CACNA2D3: variants seen among roughly 807,000 people sequenced by gnomAD.
The protein encoded by CACNA2D3 is voltage-dependent calcium channel subunit alpha-2/delta-3.
Under a neutral mutation model 160.6 loss-of-function variants are expected in CACNA2D3, and 60 were observed. The ratio of observed to expected loss-of-function variants is 0.37; its 90% CI spans 0.30 to 0.46. CACNA2D3 has a LOEUF of 0.46. Among genes scored for constraint, CACNA2D3 ranks in the 20% least tolerant of loss-of-function variants. CACNA2D3 has a pLI of 1.00. For synonymous variants in CACNA2D3, 558 were observed against 492.9 expected (o/e 1.13, Z -1.75); for missense variants, 1,205 against 1,365.0 (o/e 0.88, Z 1.85).
intron 27 of CACNA2D3, among the ~76,000 whole-genome samples, chr3:54,903,160 A>C (rs1700377341): frequency 6.6e-6 from 1 of 152,106 alleles, no homozygotes. Flanking sequence ...CACAGGTATT[A>C]AGCCTGGTAC....
At chr3:54,137,116 G>A (rs777206378) in intron 2 of CACNA2D3, among the ~76,000 whole-genome samples, 3 of 152,178 alleles carry the variant, frequency 2.0e-5, no homozygotes, top group Non-Finnish European at 2.9e-5. Context: ...AGAGGCTGGA[G>A]CTGCTCTTCC....
In CACNA2D3 at chr3:54,724,647, G is replaced by A. The variant is rs572914153; in HGVS notation, c.1168-27952G>A. ...AAAACCACACAGCTACATGGAAACT[G>A]AACAGCCTGCTCCTGAATGACTACT... On this transcript the variant is annotated intron_variant, in intron 11 of 37. Coordinates refer to ENST00000474759, the MANE Select transcript of CACNA2D3 (RefSeq NM_018398.3). Among the ~76,000 whole-genome samples, 3 of 152,284 alleles carry A rather than the reference G, an allele frequency of 2.0e-5. No homozygotes were observed. The South Asian group carries it at 6.2e-4, about 32-fold the overall frequency.
intron 35 of CACNA2D3, among the ~76,000 whole-genome samples, chr3:55,052,362 CTT>C (rs371387356): frequency 3.0e-3 from 460 of 151,684 alleles, no homozygotes; most frequent in Middle Eastern, 0.027. Context: ...CATGATCTAA[CTT>C]TGTGAATATT....
At chr3:54,350,985 T>TG (rs1559457827) in intron 3 of CACNA2D3, among the ~76,000 whole-genome samples, 7 of 41,852 alleles carry the variant, frequency 1.7e-4, no homozygotes, top group Non-Finnish European at 2.0e-4. Context: ...TTTTTTTGTT[T>TG]GTTTTTTTTT....
chr3:54,677,159 AACTTT>A (rs1045854302), intron 11 of CACNA2D3, among the ~76,000 whole-genome samples: 3 of 152,174 alleles, frequency 2.0e-5, no homozygotes, highest in Non-Finnish European at 4.4e-5. Context: ...CCAAATATGT[AACTTT>A]ACTTGCTAAA....
At chr3:54,453,046 C>G (rs1353358991) in intron 4 of CACNA2D3, among the ~76,000 whole-genome samples, 2 of 151,904 alleles carry the variant, frequency 1.3e-5, no homozygotes, top group Non-Finnish European at 2.9e-5. Context: ...AGCTGGAGTG[C>G]AGTGGCATGA....
chr3:54,722,925 C>T (rs1269930108), intron 11 of CACNA2D3, among the ~76,000 whole-genome samples: 3 of 152,178 alleles, frequency 2.0e-5, no homozygotes, highest in Non-Finnish European at 2.9e-5. Flanking sequence ...GAACGCCGTA[C>T]TGGGAGGTCT....
intron 2 of CACNA2D3, among the ~76,000 whole-genome samples, chr3:54,208,756 T>TC (rs1044591344): frequency 7.2e-5 from 11 of 152,074 alleles, no homozygotes; most frequent in African/African-American, 2.4e-4. Flanking sequence ...CTTTTTTTTT[T>TC]CAATTATCAC....
At chr3:54,500,648 T>A (rs1701280354) in intron 4 of CACNA2D3, among the ~76,000 whole-genome samples, 1 of 151,946 alleles carries the variant, frequency 6.6e-6, no homozygotes, top group Non-Finnish European at 1.5e-5. Context: ...TTCTGCCTTC[T>A]CTAGTTTTAA....
At chr3:54,723,783 C>A (rs977065934) in intron 11 of CACNA2D3, among the ~76,000 whole-genome samples, 7 of 152,214 alleles carry the variant, frequency 4.6e-5, no homozygotes, top group Non-Finnish European at 8.8e-5. Context: ...CACCCACCTT[C>A]TGCGTTGATC....
intron 2 of CACNA2D3, among the ~76,000 whole-genome samples, chr3:54,165,205 CT>C (rs1700428597): frequency 7.4e-6 from 1 of 134,780 alleles, no homozygotes; most frequent in Admixed American, 8.6e-5. Flanking sequence ...GGGGACAGTT[CT>C]TTGTGTGGGA....
intron 5 of CACNA2D3, among the ~76,000 whole-genome samples, chr3:54,518,626 C>G (rs1701594151): frequency 6.6e-6 from 1 of 152,220 alleles, no homozygotes; most frequent in African/African-American, 2.4e-5. Context: ...CTCTGCTTAT[C>G]CTGACACATT....
At chr3:54,845,184 T>A (rs1698907235) in intron 16 of CACNA2D3, among the ~76,000 whole-genome samples, 1 of 152,234 alleles carries the variant, frequency 6.6e-6, no homozygotes, top group Non-Finnish European at 1.5e-5. Context: ...TCTGTTGCCC[T>A]TGACTACCAT....
At chr3:54,936,793 A>G (rs905445525) in intron 27 of CACNA2D3, among the ~76,000 whole-genome samples, 3 of 152,146 alleles carry the variant, frequency 2.0e-5, no homozygotes, top group South Asian at 2.1e-4. Context: ...AAGCATGACT[A>G]TCAGAGTTTT....
chr3:54,710,773 G>C (rs138169384), intron 11 of CACNA2D3, among the ~76,000 whole-genome samples: 2 of 152,282 alleles, frequency 1.3e-5, no homozygotes, highest in Admixed American at 1.3e-4. Context: ...GCCACATTGA[G>C]TGTAGTGGGA....
At chr3:54,213,144 G>GCATC (rs1474490358) in intron 2 of CACNA2D3, among the ~76,000 whole-genome samples, 4 of 152,086 alleles carry the variant, frequency 2.6e-5, no homozygotes, top group African/African-American at 7.2e-5. Context: ...GCTAATGAAT[G>GCATC]CATCCACAAA....
At chr3:55,074,047 G>A in intron 37 of CACNA2D3, 67 bp from the exon 38 acceptor site, 1 of 1,340,558 alleles carries the variant, frequency 7.5e-7, no homozygotes, top group Non-Finnish European at 1.1e-6. Flanking sequence ...GGGGAGAGAG[G>A]TCTGGGGAAA....
chr3:54,441,013 G>T (rs969208373), intron 4 of CACNA2D3, among the ~76,000 whole-genome samples: 1 of 151,994 alleles, frequency 6.6e-6, no homozygotes, highest in African/African-American at 2.4e-5. Context: ...GTAATGGGAT[G>T]GCTGGGTCAA....
At chr3:54,177,470 C>G (rs1309101089) in intron 2 of CACNA2D3, among the ~76,000 whole-genome samples, 2 of 152,204 alleles carry the variant, frequency 1.3e-5, no homozygotes, top group Non-Finnish European at 2.9e-5. Context: ...TTTTATCAAT[C>G]TCTGAAAAAG....
Sources: gnomAD v4.1 joint callset for allele counts (sites outside exome capture counted in the v4.1 genomes callset) on GRCh38, gnomAD v4.1.1 for gene constraint, MANE v1.5 for transcripts, NCBI Gene and HGNC (gene_info 2026-07-23, HGNC 2026-07-21) for gene names.